LINGO2: variants seen among roughly 807,000 people sequenced by gnomAD.
The protein encoded by LINGO2 is leucine-rich repeat and immunoglobulin-like domain-containing nogo receptor-interacting protein 2.
A neutral mutation model predicts 30.6 loss-of-function variants in LINGO2; 14 were observed. That is an observed-to-expected ratio of 0.46 (90% CI 0.30 to 0.72). LINGO2 has a LOEUF of 0.72. LINGO2 is among the 30% of genes least tolerant of loss of function. The pLI is 0.07. For synonymous variants in LINGO2, 317 were observed against 288.5 expected, an observed-to-expected ratio of 1.10 and a Z score of -1.00; for missense variants, 729 against 751.7, an observed-to-expected ratio of 0.97 and a Z score of 0.35.
At chr9:28,399,520 G>A (rs1822178245) in intron 2 of LINGO2, among the ~76,000 whole-genome samples, 1 of 151,876 alleles carries the variant, frequency 6.6e-6, no homozygotes, top group African/African-American at 2.4e-5. Flanking sequence ...GAAACATAGG[G>A]AAAACATGGT....
intron 4 of LINGO2, among the ~76,000 whole-genome samples, chr9:28,149,423 A>G (rs1189262066): frequency 2.1e-5 from 3 of 145,562 alleles, no homozygotes; most frequent in Non-Finnish European, 4.5e-5. Flanking sequence ...ACCTCTGCCC[A>G]GCTGCCCCAC....
chr9:28,181,550 C>A lies in LINGO2; in HGVS notation c.-87+113658G>T, dbSNP rs530723894. On this transcript the variant is annotated intron_variant, in intron 4 of 5. Coordinates refer to ENST00000379992, the Ensembl canonical transcript of LINGO2. ...GGGCCAGCAATGGTGTGTTAATAAA[C>A]CCTTCCAATGATTAGGATGCACATT... Among the ~76,000 whole-genome samples the A allele has an allele frequency of 3.9e-5, 6 of 152,222 alleles. No individual in the cohort carries two copies. In the East Asian group the frequency reaches 5.8e-4, roughly 15 times the overall value.
At chr9:29,046,939 C>T in the LINGO2 span, among the ~76,000 whole-genome samples, 3 of 92,566 alleles carry the variant, frequency 3.2e-5, no homozygotes, top group East Asian at 6.2e-4. Flanking sequence ...ATTAGCCAGG[C>T]GTGGTGGCAC....
the LINGO2 span, among the ~76,000 whole-genome samples, chr9:28,700,489 T>A: frequency 6.6e-6 from 1 of 152,082 alleles, no homozygotes; most frequent in South Asian, 2.1e-4. Flanking sequence ...AAATGAATAA[T>A]AATCCATTGA....
At chr9:28,195,618 G>T (rs1395750333) in intron 4 of LINGO2, among the ~76,000 whole-genome samples, 1 of 151,104 alleles carries the variant, frequency 6.6e-6, no homozygotes, top group African/African-American at 2.4e-5. Flanking sequence ...TGAAACAGAT[G>T]ATTTTCTAAG....
chr9:28,918,509 T>A, the LINGO2 span, among the ~76,000 whole-genome samples: 2 of 152,338 alleles, frequency 1.3e-5, no homozygotes, highest in African/African-American at 4.8e-5. Flanking sequence ...CTCCCTTGCA[T>A]AAAATTCCAT....
the LINGO2 span, among the ~76,000 whole-genome samples, chr9:28,939,073 G>C: frequency 6.6e-6 from 1 of 152,072 alleles, no homozygotes; most frequent in Admixed American, 6.6e-5. Flanking sequence ...TTCTATCTGT[G>C]TAGCTCTATC....
the LINGO2 span, among the ~76,000 whole-genome samples, chr9:28,783,239 A>G: frequency 6.6e-6 from 1 of 152,160 alleles, no homozygotes; most frequent in East Asian, 1.9e-4. Context: ...AACCGGTTCT[A>G]GAACCCCCTC....
chr9:28,562,457 C>CAAAAAAAAAAAAAAAAAAAAAA (rs56998877), intron 1 of LINGO2, among the ~76,000 whole-genome samples: 1 of 109,206 alleles, frequency 9.2e-6, no homozygotes, highest in Non-Finnish European at 1.7e-5. Flanking sequence ...CATTTACTTT[C>CAAAAAAAAAAAAAAAAAAAAAA]AAAAAAAAAA....
At chr9:28,491,597 G>A (rs745613377) in intron 1 of LINGO2, among the ~76,000 whole-genome samples, 2 of 151,922 alleles carry the variant, frequency 1.3e-5, no homozygotes, top group Non-Finnish European at 1.5e-5. Context: ...CTATGTTTTT[G>A]TATTAACTTT....
At chr9:29,195,308 T>G in the LINGO2 span, among the ~76,000 whole-genome samples, 2 of 152,000 alleles carry the variant, frequency 1.3e-5, no homozygotes, top group Non-Finnish European at 2.9e-5. Context: ...CCTTATTTTT[T>G]GTTATCATAA....
the LINGO2 span, among the ~76,000 whole-genome samples, chr9:29,211,374 ATC>A: frequency 6.6e-6 from 1 of 152,170 alleles, no homozygotes; most frequent in African/African-American, 2.4e-5. Flanking sequence ...CACAGATAAT[ATC>A]TGTTAGGTGG....
chr9:28,990,101 T>C, the LINGO2 span, among the ~76,000 whole-genome samples: 6 of 152,202 alleles, frequency 3.9e-5, no homozygotes, highest in Non-Finnish European at 8.8e-5. Context: ...ATTGCCTCAC[T>C]GGGAAGCGCA....
At chr9:28,453,832 G>A (rs1824741115) in intron 2 of LINGO2, among the ~76,000 whole-genome samples, 1 of 151,934 alleles carries the variant, frequency 6.6e-6, no homozygotes, top group Non-Finnish European at 1.5e-5. Context: ...CTCAGTGTCA[G>A]TGTCTTTAGA....
chr9:29,199,597 C>T, the LINGO2 span, among the ~76,000 whole-genome samples: 1,031 of 152,142 alleles, frequency 6.8e-3, 14 homozygotes, highest in African/African-American at 0.024. Context: ...TGACCAACTC[C>T]CCTTTTCCCA....
chr9:29,162,661 G>T, the LINGO2 span, among the ~76,000 whole-genome samples: 1 of 152,118 alleles, frequency 6.6e-6, no homozygotes, highest in Non-Finnish European at 1.5e-5. Context: ...TATAAAAAAA[G>T]AAGCTAATGT....
intron 4 of LINGO2, among the ~76,000 whole-genome samples, chr9:28,168,782 A>G (rs539348279): frequency 4.6e-5 from 7 of 152,260 alleles, no homozygotes; most frequent in Non-Finnish European, 8.8e-5. Context: ...ATGTATTACA[A>G]TTGGGACAAT....
chr9:28,328,880 T>C (rs949050930), intron 3 of LINGO2, among the ~76,000 whole-genome samples: 1 of 152,174 alleles, frequency 6.6e-6, no homozygotes, highest in Non-Finnish European at 1.5e-5. Flanking sequence ...TGAAGATTTA[T>C]TGTTGAAAGA....
At chr9:28,455,199 G>A (rs556601332) in intron 2 of LINGO2, among the ~76,000 whole-genome samples, 24 of 151,944 alleles carry the variant, frequency 1.6e-4, no homozygotes, top group Non-Finnish European at 3.4e-4. Flanking sequence ...CATCGGTTAA[G>A]GGACAAAAGA....
Sources: allele counts gnomAD v4.1 joint callset (sites outside exome capture counted in the v4.1 genomes callset), GRCh38; gene constraint gnomAD v4.1.1; transcripts MANE v1.5; gene names NCBI Gene and HGNC (gene_info 2026-07-23, HGNC 2026-07-21).